The following SCARB1 variants were observed in gnomAD, a reference collection of about 807,000 sequenced individuals.
SCARB1 encodes CD36 and LIMPII analogous 1.
In SCARB1, 30 loss-of-function variants were observed where a neutral mutation model predicts 57.2. The ratio of observed to expected loss-of-function variants is 0.52; its 90% CI spans 0.39 to 0.71. The LOEUF is 0.71. Ranked by LOEUF, SCARB1 falls within the 30% of genes least tolerant of loss-of-function variation. The probability of loss-of-function intolerance (pLI) is 0.00; values close to 1 mark genes in which losing one functional copy is unlikely to be tolerated. For missense variants in SCARB1, 543 were observed against 671.2 expected (o/e 0.81, Z 2.11); for synonymous variants, 249 against 268.3 (o/e 0.93, Z 0.70).
chr12:124,845,048 C>T (rs1390985709), intron 1 of SCARB1, among the ~76,000 whole-genome samples: 4 of 151,940 alleles, frequency 2.6e-5, no homozygotes, highest in African/African-American at 9.7e-5. Flanking sequence ...CAAGGACACA[C>T]TCAGGTTTAC....
chr12:124,839,737 C>T (rs199958245), intron 1 of SCARB1: 1 of 44,382 alleles, frequency 2.3e-5, no homozygotes, highest in Non-Finnish European at 4.4e-5. Flanking sequence ...CCCAACGGCA[C>T]ACATGGGCCC....
chr12:124,843,366 C>T (rs866826199), intron 1 of SCARB1, among the ~76,000 whole-genome samples: 5 of 151,860 alleles, frequency 3.3e-5, no homozygotes, highest in African/African-American at 4.8e-5. Flanking sequence ...ACCTCTGCCT[C>T]GCTAAGTGCT....
At position 124,863,736 on chromosome 12, in the gene SCARB1, GC is replaced by G. The variant is rs928591430; in HGVS notation, c.-17del. The G allele has an allele frequency of 6.9e-7, 1 of 1,449,808 alleles. No homozygotes were observed. Among genetic ancestry groups the G allele is most frequent in the Non-Finnish European group, 9.1e-7 (1 of 1,100,066 alleles). The allele number at this position is 1,449,808 out of a possible 1,614,324, so 89.8% of individuals were successfully genotyped here. A position where few individuals can be genotyped will look rare whatever the true frequency, so the allele number is the denominator to read the frequency against. On this transcript the variant is annotated 5_prime_UTR_variant, in exon 1 of 13. Coordinates refer to ENST00000261693, the MANE Select transcript of SCARB1 (RefSeq NM_005505.5). ...AGCAGCCCATGTCTGCGCGCCTGGG[GC>G]CCACCCGCGGCTCGCAGGGCTCCGC...
chr12:124,805,725 A>ATTTTTTTTTTT (rs755476758), intron 7 of SCARB1, among the ~76,000 whole-genome samples: 1 of 79,572 alleles, frequency 1.3e-5, no homozygotes, highest in Non-Finnish European at 2.4e-5. Context: ...TGCCTAGCTA[A>ATTTTTTTTTTT]TTTTTTTTTT....
At chr12:124,833,430 C>T (rs955740818) in intron 1 of SCARB1, among the ~76,000 whole-genome samples, 1 of 152,154 alleles carries the variant, frequency 6.6e-6, no homozygotes, top group African/African-American at 2.4e-5. Flanking sequence ...GCTCAAAAAT[C>T]TCCCACCTTG....
At chr12:124,851,932 G>A (rs747968033) in intron 1 of SCARB1, among the ~76,000 whole-genome samples, 11 of 152,008 alleles carry the variant, frequency 7.2e-5, no homozygotes, top group South Asian at 2.1e-4. Context: ...TAATAATGGC[G>A]CCCGGCCTAT....
chr12:124,789,129 A>G lies in SCARB1; in HGVS notation c.1203-1672T>C. Among the ~76,000 whole-genome samples, 1 of 152,220 alleles carries G rather than the reference A, an allele frequency of 6.6e-6. No homozygotes were observed. The highest frequency in any genetic ancestry group is 1.9e-4 in the East Asian group (1 of 5,206). ...AATAAAAGTAAACTTGATACTGCAGAAACGTCACAGGCATGACCTCATCCA... is the reference window on the plus strand; with the variant it reads ...AATAAAAGTAAACTTGATACTGCAGGAACGTCACAGGCATGACCTCATCCA... On this transcript the variant is annotated intron_variant, in intron 9 of 12. Coordinates refer to ENST00000261693, the MANE Select transcript of SCARB1 (RefSeq NM_005505.5). The surrounding 1 kb of genome is among the most constrained non-coding windows in gnomAD (Gnocchi z 4.4).
intron 1 of SCARB1, among the ~76,000 whole-genome samples, chr12:124,854,104 G>A (rs1469509491): frequency 3.3e-5 from 5 of 152,198 alleles, no homozygotes; most frequent in African/African-American, 1.2e-4. Context: ...AAGTTCCAGG[G>A]TATCTACAGT....
At chr12:124,780,518 G>A (rs1168933272) in intron 12 of SCARB1, among the ~76,000 whole-genome samples, 1 of 152,200 alleles carries the variant, frequency 6.6e-6, no homozygotes, top group Non-Finnish European at 1.5e-5. Context: ...GGCCTGCAGG[G>A]GGACCACCAG....
At chr12:124,842,706 C>A (rs540338221) in intron 1 of SCARB1, among the ~76,000 whole-genome samples, 1 of 152,338 alleles carries the variant, frequency 6.6e-6, no homozygotes, top group East Asian at 1.9e-4. Flanking sequence ...GACCCCTGGA[C>A]CCCAATGTCC....
At chr12:124,795,487 C>T (rs746293626) in intron 8 of SCARB1, among the ~76,000 whole-genome samples, 5 of 152,180 alleles carry the variant, frequency 3.3e-5, no homozygotes, top group Non-Finnish European at 7.3e-5. Context: ...TGATTCTAAC[C>T]CCTTATAGGG....
Position 124,787,422 on chromosome 12 carries a change from A to G in SCARB1, c.1238T>C (p.Leu413Pro), listed in dbSNP as rs1247137347. Residue 413 changes from leucine (L) to proline (P), a missense_variant, in exon 10 of 13, where the codon CTG becomes CCG. Physicochemically the swap from Leu to Pro is moderately conservative, Grantham distance 98. Transcript: ENST00000261693. The stretch of plus-strand genomic sequence containing the variant: ...CACCCTTACCTCTGCAAACCAGAGC[A>G]GCGGCAGGACCACAGGCTCAATCTT... Reference protein sequence around the residue: ...TGKIEPVVLPLLWFAESGAME... With the variant: ...TGKIEPVVLPPLWFAESGAME... 2.5e-6 allele frequency: 4 copies of G among 1,613,908 alleles called. No homozygotes were observed. Among genetic ancestry groups the G allele is most frequent in the Non-Finnish European group, 3.4e-6 (4 of 1,179,964 alleles).
In SCARB1 at chr12:124,810,343, A is replaced by T; in HGVS notation, c.727-54T>A. ...TCAGTAGGGCCAAGGCCCCTTAATA[A>T]GCCCTCTCAGGTGCTGCACACCTAA... On this transcript the variant is annotated intron_variant, in intron 5 of 12. Coordinates refer to ENST00000261693, the MANE Select transcript of SCARB1 (RefSeq NM_005505.5). This position sits in a 1 kb window ranked among gnomAD's most constrained non-coding sequence, Gnocchi z 4.0. 2.3e-6 allele frequency: 3 copies of T among 1,280,076 alleles called. No individual in the cohort carries two copies. In the Admixed American group the frequency reaches 5.1e-5, roughly 22 times the overall value. 79.3% of individuals were successfully genotyped at this position (1,280,076 alleles called of 1,614,324 possible). A position where few individuals can be genotyped will look rare whatever the true frequency, so the allele number is the denominator to read the frequency against.
At chr12:124,805,180 T>G (rs1356211363) in intron 7 of SCARB1, among the ~76,000 whole-genome samples, 4 of 151,316 alleles carry the variant, frequency 2.6e-5, no homozygotes, top group Non-Finnish European at 2.9e-5. Flanking sequence ...GAGCAGCAGG[T>G]GGGAGAGGGG....
intron 1 of SCARB1, among the ~76,000 whole-genome samples, chr12:124,832,296 G>T (rs1951428872): frequency 6.6e-6 from 1 of 152,178 alleles, no homozygotes. Flanking sequence ...AAGGCAGGTG[G>T]ATCACTTGAG....
chr12:124,816,466 C>T (rs1012212229), intron 2 of SCARB1, among the ~76,000 whole-genome samples: 1 of 152,170 alleles, frequency 6.6e-6, no homozygotes, highest in Non-Finnish European at 1.5e-5. Flanking sequence ...AATGAACGAG[C>T]GAATGAGTGA....
Position 124,810,333 on chromosome 12 carries a change from CCCCTTA to C in SCARB1, c.727-50_727-45del. The C allele has an allele frequency of 7.1e-7, 1 of 1,399,250 alleles. No homozygotes were observed. The highest frequency in any genetic ancestry group is 1.0e-6 in the Non-Finnish European group (1 of 984,654). The allele number at this position is 1,399,250 out of a possible 1,614,324, so 86.7% of individuals were successfully genotyped here. A position where few individuals can be genotyped will look rare whatever the true frequency, so the allele number is the denominator to read the frequency against. ...ACTAGACCCCTCAGTAGGGCCAAGG[CCCCTTA>C]ATAAGCCCTCTCAGGTGCTGCACAC... On this transcript the variant is annotated intron_variant, in intron 5 of 12. Transcript: ENST00000261693. This position sits in a 1 kb window ranked among gnomAD's most constrained non-coding sequence, Gnocchi z 4.0.
At chr12:124,823,539 C>T (rs1951021762) in intron 1 of SCARB1, among the ~76,000 whole-genome samples, 1 of 152,092 alleles carries the variant, frequency 6.6e-6, no homozygotes, top group South Asian at 2.1e-4. Context: ...AGAAGTGTAA[C>T]GTGGAACAGC....
Position 124,782,682 on chromosome 12 carries a change from C to T in SCARB1, c.*1G>A. ...GGCGCACGGCATTACCTGGTACCCA[C>T]CTACAGTTTTGCTTCCTGCAGCACA... On this transcript the variant is annotated splice_donor_variant, in intron 12 of 12. Transcript: ENST00000261693. LOFTEE classifies it low-confidence loss of function (3UTR_SPLICE). 1 of 1,613,986 alleles carries T rather than the reference C, an allele frequency of 6.2e-7. No homozygotes were observed. Among genetic ancestry groups the T allele is most frequent in the Non-Finnish European group, 8.5e-7 (1 of 1,179,938 alleles).
Sources: allele counts gnomAD v4.1 joint callset (sites outside exome capture counted in the v4.1 genomes callset), GRCh38; gene constraint gnomAD v4.1.1; non-coding constraint Gnocchi (gnomAD v3.1); transcripts MANE v1.5; gene names NCBI Gene and HGNC (gene_info 2026-07-23, HGNC 2026-07-21).